RIT2: variants seen among roughly 807,000 people sequenced by gnomAD.
The protein encoded by RIT2 is GTP-binding protein Rit2.
In RIT2, 24 loss-of-function variants were observed where a neutral mutation model predicts 23.7. That is an observed-to-expected ratio of 1.01 (90% CI 0.73 to 1.43). The LOEUF (loss-of-function observed/expected upper bound fraction) is 1.43, where lower values mean the gene tolerates loss of function less well. Among genes scored for constraint, RIT2 ranks in the 40% most tolerant of loss-of-function variants. The pLI is 0.00. For synonymous variants in RIT2, 107 were observed against 91.1 expected (o/e 1.17, Z -0.99); for missense variants, 236 against 266.9 (o/e 0.88, Z 0.81).
At chr18:43,022,740 G>A (rs1398118387) in intron 2 of RIT2, among the ~76,000 whole-genome samples, 2 of 151,820 alleles carry the variant, frequency 1.3e-5, no homozygotes, top group Non-Finnish European at 2.9e-5. Context: ...CAGAAATAAT[G>A]TCCTGAACAT....
intron 1 of RIT2, among the ~76,000 whole-genome samples, chr18:43,110,256 C>A (rs1186253015): frequency 1.3e-5 from 2 of 151,778 alleles, no homozygotes; most frequent in South Asian, 2.1e-4. Flanking sequence ...TATATATACC[C>A]ACTATGTACC....
intron 4 of RIT2, among the ~76,000 whole-genome samples, chr18:42,748,776 G>T (rs550210809): frequency 5.9e-5 from 9 of 151,956 alleles, no homozygotes; most frequent in African/African-American, 1.9e-4. Flanking sequence ...AAGGGAGGTA[G>T]GTGGATAAAA....
chr18:43,092,190 C>A (rs930433753), intron 1 of RIT2, among the ~76,000 whole-genome samples: 1 of 152,078 alleles, frequency 6.6e-6, no homozygotes, highest in African/African-American at 2.4e-5. Flanking sequence ...GATGCCCATG[C>A]AGTTACCTCT....
chr18:42,775,860 TAC>T (rs113530360), intron 4 of RIT2, among the ~76,000 whole-genome samples: 31 of 148,920 alleles, frequency 2.1e-4, no homozygotes, highest in African/African-American at 4.9e-4. Context: ...CACACACACA[TAC>T]ACACACACAC....
At chr18:42,795,557 CG>C (rs1322766994) in intron 4 of RIT2, among the ~76,000 whole-genome samples, 2 of 152,210 alleles carry the variant, frequency 1.3e-5, no homozygotes, top group Non-Finnish European at 2.9e-5. Context: ...CCCGGATGAG[CG>C]CAGCCCCCTG....
chr18:43,012,572 T>G (rs1911374796), intron 2 of RIT2, among the ~76,000 whole-genome samples: 1 of 151,682 alleles, frequency 6.6e-6, no homozygotes, highest in African/African-American at 2.4e-5. Context: ...TTTTTAAGTG[T>G]TCTCTATACT....
intron 1 of RIT2, among the ~76,000 whole-genome samples, chr18:43,088,531 C>T (rs60986280): frequency 0.027 from 4,061 of 152,134 alleles, 193 homozygotes; most frequent in African/African-American, 0.091. Context: ...AGAAACAGGA[C>T]AGAGAGGAAA....
intron 4 of RIT2, among the ~76,000 whole-genome samples, chr18:42,795,919 G>C (rs1433572872): frequency 1.3e-5 from 2 of 152,034 alleles, no homozygotes; most frequent in Non-Finnish European, 2.9e-5. Flanking sequence ...TAGTGGGGAC[G>C]TGAAAACCTT....
chr18:42,980,499 G>A (rs1310063021), intron 2 of RIT2, among the ~76,000 whole-genome samples: 1 of 151,944 alleles, frequency 6.6e-6, no homozygotes, highest in Admixed American at 6.6e-5. Flanking sequence ...AGGTAATAGG[G>A]TAGTTGATAC....
rs114064802 is a variant in RIT2 at position 42,887,655 on chromosome 18, T to G, written c.426+35917A>C. Among the ~76,000 whole-genome samples, 758 of 152,248 alleles carry G rather than the reference T, an allele frequency of 5.0e-3. 4 individuals carry two copies. Among genetic ancestry groups the G allele is most frequent in the African/African-American group, 0.017 (725 of 41,556 alleles). ...TGTCATGCAACCCAGCAATCAAGCT[T>G]GTTGGTATTTACTCAGATGAATTGC... On this transcript the variant is annotated intron_variant, in intron 4 of 4. Transcript: ENST00000326695.
chr18:43,030,512 T>C (rs1911828858), intron 2 of RIT2, among the ~76,000 whole-genome samples: 1 of 152,092 alleles, frequency 6.6e-6, no homozygotes, highest in Admixed American at 6.6e-5. Flanking sequence ...CTTAGAATTT[T>C]TTATGCTAAA....
intron 2 of RIT2, among the ~76,000 whole-genome samples, chr18:43,009,040 C>A (rs530743929): frequency 2.0e-5 from 3 of 151,534 alleles, no homozygotes; most frequent in African/African-American, 7.2e-5. Flanking sequence ...GGAAATGTGG[C>A]AAACTACCAC....
chr18:42,843,061 T>C (rs888736876), intron 4 of RIT2, among the ~76,000 whole-genome samples: 7 of 152,196 alleles, frequency 4.6e-5, no homozygotes, highest in African/African-American at 1.7e-4. Context: ...GCACTAGATA[T>C]TCTTCTAAGC....
At chr18:42,834,534 C>T (rs1026869323) in intron 4 of RIT2, among the ~76,000 whole-genome samples, 2 of 152,040 alleles carry the variant, frequency 1.3e-5, no homozygotes, top group Non-Finnish European at 2.9e-5. Context: ...ATCATACTCT[C>T]TGTCTCTCTC....
At chr18:42,890,947 C>T (rs1053360021) in intron 4 of RIT2, among the ~76,000 whole-genome samples, 4 of 151,960 alleles carry the variant, frequency 2.6e-5, no homozygotes, top group Admixed American at 1.3e-4. Context: ...TTATATTTAC[C>T]AGAAGTTATA....
rs1914051028 is a variant in RIT2 at position 43,115,590 on chromosome 18, G to T, written c.-71C>A. 11 of 1,562,780 alleles carry T rather than the reference G, an allele frequency of 7.0e-6. No individual in the cohort carries two copies. The South Asian group carries it at 1.2e-4, about 17-fold the overall frequency. The stretch of plus-strand genomic sequence containing the variant: ...TGTCAGGTGCTTGCTCGAATATTAA[G>T]CAACTCTAAAACTGTGTCAAAGCAA... On this transcript the variant is annotated 5_prime_UTR_variant, in exon 1 of 5. Transcript: ENST00000326695.
At chr18:42,764,499 G>C (rs1913375728) in intron 4 of RIT2, among the ~76,000 whole-genome samples, 1 of 152,208 alleles carries the variant, frequency 6.6e-6, no homozygotes, top group Middle Eastern at 3.4e-3. Flanking sequence ...CCTCTACCTA[G>C]ATGCATTTTC....
intron 4 of RIT2, among the ~76,000 whole-genome samples, chr18:42,852,236 T>A (rs1397504788): frequency 6.6e-6 from 1 of 152,226 alleles, no homozygotes; most frequent in Non-Finnish European, 1.5e-5. Flanking sequence ...TTTAATACAT[T>A]TAGATGAATT....
chr18:42,787,955 A>G (rs1219934874), intron 4 of RIT2, among the ~76,000 whole-genome samples: 1 of 151,654 alleles, frequency 6.6e-6, no homozygotes, highest in East Asian at 1.9e-4. Flanking sequence ...TAATTTAGTA[A>G]AATTTAACAA....
Sources: allele counts gnomAD v4.1 joint callset (sites outside exome capture counted in the v4.1 genomes callset), GRCh38; gene constraint gnomAD v4.1.1; transcripts MANE v1.5; gene names NCBI Gene and HGNC (gene_info 2026-07-23, HGNC 2026-07-21).